The following SH3PXD2A variants were observed in gnomAD, a reference collection of about 807,000 sequenced individuals.
The protein encoded by SH3PXD2A is SH3 and PX domains 2A, also known as SH3 and PX domain-containing protein 2A.
A neutral mutation model predicts 115.2 loss-of-function variants in SH3PXD2A; 32 were observed. That is an observed-to-expected ratio of 0.28 (90% CI 0.21 to 0.37). The LOEUF (loss-of-function observed/expected upper bound fraction) is 0.37. Among genes scored for constraint, SH3PXD2A ranks in the 10% least tolerant of loss-of-function variants. The probability of loss-of-function intolerance (pLI) is 1.00; values close to 1 mark genes in which losing one functional copy is unlikely to be tolerated. For missense variants in SH3PXD2A, 1,328 were observed against 1,498.7 expected (o/e 0.89, Z 1.88); for synonymous variants, 610 against 629.1 (o/e 0.97, Z 0.45).
At chr10:103,704,321 C>T (rs1298313424) in intron 5 of SH3PXD2A, among the ~76,000 whole-genome samples, 2 of 151,810 alleles carry the variant, frequency 1.3e-5, no homozygotes, top group African/African-American at 2.4e-5. Flanking sequence ...TGGCTGGCCT[C>T]AGGGGGAGGG....
At chr10:103,791,680 A>G (rs923198161) in intron 2 of SH3PXD2A, among the ~76,000 whole-genome samples, 8 of 151,442 alleles carry the variant, frequency 5.3e-5, no homozygotes, top group Non-Finnish European at 1.2e-4. Context: ...ACCTCTCTCC[A>G]TCTGCTTGGA....
intron 2 of SH3PXD2A, among the ~76,000 whole-genome samples, chr10:103,794,081 T>C (rs927190577): frequency 6.6e-6 from 1 of 152,216 alleles, no homozygotes; most frequent in Non-Finnish European, 1.5e-5. Flanking sequence ...ATATACACAT[T>C]CATTCCAAGG....
At chr10:103,841,022 A>G (rs893316851) in intron 1 of SH3PXD2A, among the ~76,000 whole-genome samples, 2 of 152,204 alleles carry the variant, frequency 1.3e-5, no homozygotes, top group African/African-American at 2.4e-5. Flanking sequence ...CTGACTTGAG[A>G]ATCTTAACAC....
intron 3 of SH3PXD2A, among the ~76,000 whole-genome samples, chr10:103,762,345 C>T (rs2134218923): frequency 6.6e-6 from 1 of 152,234 alleles, no homozygotes; most frequent in Admixed American, 6.5e-5. Flanking sequence ...ACAAAGCACC[C>T]CCCATCCAGC....
chr10:103,603,143 G>A lies in SH3PXD2A; in HGVS notation c.2075C>T (p.Ser692Leu), dbSNP rs1248707588. The A allele has an allele frequency of 1.9e-6, 3 of 1,613,586 alleles. No individual in the cohort carries two copies. Residue 692 changes from serine to leucine, a missense_variant, in exon 15 of 15, where the codon TCA (serine) becomes TTA (leucine). Ser to Leu is a moderately radical substitution (Grantham distance 145). This residue lies in a region of SH3PXD2A where 574 missense variants were observed against 565.7 expected (regional missense o/e 1.01). Coordinates refer to ENST00000369774, the MANE Select transcript of SH3PXD2A (RefSeq NM_001394015.1). ...GKNHSSASFSSSITINTTCCS... is the reference protein window; with the variant it reads ...GKNHSSASFSLSITINTTCCS... ...GCAAGTGGTGTTGATGGTGATGGAT[G>A]AGGAAAAGGAGGCTGAGGAGTGGTT...
chr10:103,799,185 G>C (rs1311812131), intron 2 of SH3PXD2A, among the ~76,000 whole-genome samples: 1 of 152,182 alleles, frequency 6.6e-6, no homozygotes, highest in Non-Finnish European at 1.5e-5. Context: ...ATCTCTCAGG[G>C]ACATGAGTTC....
chr10:103,814,626 A>G (rs1165296333), intron 1 of SH3PXD2A, among the ~76,000 whole-genome samples: 1 of 152,092 alleles, frequency 6.6e-6, no homozygotes, highest in African/African-American at 2.4e-5. Context: ...ATCCCCTCCC[A>G]CTCAGCCCTC....
intron 5 of SH3PXD2A, among the ~76,000 whole-genome samples, chr10:103,694,698 C>T (rs1592305348): frequency 6.6e-6 from 1 of 152,328 alleles, no homozygotes; most frequent in East Asian, 1.9e-4. Context: ...GAGGTTCAGC[C>T]ATTGCCGAAG....
At chr10:103,791,147 A>G (rs1449082582) in intron 2 of SH3PXD2A, among the ~76,000 whole-genome samples, 1 of 152,042 alleles carries the variant, frequency 6.6e-6, no homozygotes, top group Non-Finnish European at 1.5e-5. Flanking sequence ...GCTTCTTACA[A>G]TTTTCCCCAG....
chr10:103,760,191 C>T (rs1389542503), intron 3 of SH3PXD2A, among the ~76,000 whole-genome samples: 1 of 152,192 alleles, frequency 6.6e-6, no homozygotes, highest in Admixed American at 6.5e-5. Flanking sequence ...AAGTAACTCA[C>T]TGCATATGCA....
In SH3PXD2A at chr10:103,613,162, C is replaced by G; in HGVS notation, c.949G>C (p.Ala317Pro). The change falls in exon 12 of 15, where the codon GCA (alanine) becomes CCA (proline). Residue 317 changes from alanine (A) to proline (P), a missense_variant. Coordinates refer to ENST00000369774, the MANE Select transcript of SH3PXD2A (RefSeq NM_001394015.1). ...TCCTTGGCCTTCTTCAGGTAGGATG[C>G]TGGCGCCCAGCCCTCTTTGCCCAGG... ...RYLGKEGWAP[A>P]SYLKKAKDDL... 1 of 1,608,246 alleles carries G rather than the reference C, an allele frequency of 6.2e-7. No individual in the cohort carries two copies. Among genetic ancestry groups the G allele is most frequent in the Non-Finnish European group, 8.5e-7 (1 of 1,177,732 alleles).
At chr10:103,624,620 A>G (rs1340467058) in intron 9 of SH3PXD2A, among the ~76,000 whole-genome samples, 1 of 152,220 alleles carries the variant, frequency 6.6e-6, no homozygotes, top group Non-Finnish European at 1.5e-5. Flanking sequence ...AGAACAGCCA[A>G]TCATCTTTTC....
chr10:103,718,799 G>A lies in SH3PXD2A; in HGVS notation c.398+5471C>T, dbSNP rs200344450. ...CACACACACACACACACACACACAC[G>A]CACATACACCCCTATTCAACTGCTG... On this transcript the variant is annotated intron_variant, in intron 5 of 14. Transcript: ENST00000369774. Among the ~76,000 whole-genome samples the A allele has an allele frequency of 3.7e-3, 223 of 60,714 alleles. 3 individuals are homozygous for A. The highest frequency in any genetic ancestry group is 0.019 in the East Asian group (42 of 2,170). The allele number at this position is 60,714 out of a possible 152,430, so 39.8% of individuals were successfully genotyped here. A position where few individuals can be genotyped will look rare whatever the true frequency, so the allele number is the denominator to read the frequency against.
intron 8 of SH3PXD2A, among the ~76,000 whole-genome samples, chr10:103,638,989 C>T (rs1039195751): frequency 2.6e-5 from 4 of 152,056 alleles, no homozygotes; most frequent in Non-Finnish European, 2.9e-5. Context: ...GGGTGGGGGT[C>T]GGAGACAGGT....
At position 103,597,326 on chromosome 10, in the gene SH3PXD2A, C is replaced by A. The variant is rs972491696; in HGVS notation, c.*4490G>T. Reference sequence around the variant, plus strand: ...TGCCTAGAAACTGAACTGAGGGCACCCAGTTTTAGAAAGATTCAAACATAC... The same window carrying A: ...TGCCTAGAAACTGAACTGAGGGCACACAGTTTTAGAAAGATTCAAACATAC... On this transcript the variant is annotated 3_prime_UTR_variant, in exon 15 of 15. Transcript: ENST00000369774. 4 of 152,308 alleles carry A rather than the reference C, an allele frequency of 2.6e-5. No homozygotes were observed. Among genetic ancestry groups the A allele is most frequent in the Non-Finnish European group, 5.9e-5 (4 of 68,050 alleles). The allele number at this position is 152,308 out of a possible 1,614,324, so 9.4% of individuals were successfully genotyped here. A position where few individuals can be genotyped will look rare whatever the true frequency, so the allele number is the denominator to read the frequency against.
chr10:103,830,076 G>A (rs1411170519), intron 1 of SH3PXD2A, among the ~76,000 whole-genome samples: 1 of 152,208 alleles, frequency 6.6e-6, no homozygotes, highest in African/African-American at 2.4e-5. Context: ...AGAATGGCCA[G>A]TGAGGCTTCC....
intron 6 of SH3PXD2A, among the ~76,000 whole-genome samples, chr10:103,676,299 A>G (rs1413782073): frequency 2.0e-5 from 3 of 152,138 alleles, no homozygotes; most frequent in Non-Finnish European, 4.4e-5. Flanking sequence ...CCAGGGTAGG[A>G]ATGCACTATT....
intron 5 of SH3PXD2A, among the ~76,000 whole-genome samples, chr10:103,700,555 C>T (rs1161448373): frequency 6.6e-6 from 1 of 152,158 alleles, no homozygotes; most frequent in Non-Finnish European, 1.5e-5. Context: ...CAGGTGCATT[C>T]CAAGGAGTCC....
intron 9 of SH3PXD2A, among the ~76,000 whole-genome samples, chr10:103,624,236 G>T (rs2036655834): frequency 6.6e-6 from 1 of 152,244 alleles, no homozygotes; most frequent in South Asian, 2.1e-4. Flanking sequence ...GGTGCTGGGG[G>T]ATCTGCTCAC....
Sources: gnomAD v4.1 joint callset for allele counts (sites outside exome capture counted in the v4.1 genomes callset) on GRCh38, gnomAD v4.1.1 for gene constraint, gnomAD v4.1.1 regional missense constraint, MANE v1.5 for transcripts, NCBI Gene and HGNC (gene_info 2026-07-23, HGNC 2026-07-21) for gene names.